The following ZNF804A variants were observed in gnomAD, a reference collection of about 807,000 sequenced individuals.
ZNF804A encodes the protein zinc finger protein 804A.
A neutral mutation model predicts 16.5 loss-of-function variants in ZNF804A; 2 were observed. The observed-to-expected ratio is 0.12, with a 90% confidence interval of 0.05 to 0.38. The LOEUF (loss-of-function observed/expected upper bound fraction) is 0.38. Ranked by LOEUF, ZNF804A falls within the 10% of genes least tolerant of loss-of-function variation. The pLI, the probability that ZNF804A is intolerant of heterozygous loss-of-function variation, is 0.99. For missense variants in ZNF804A, 1,473 were observed against 1,390.7 expected (o/e 1.06, Z -0.94); for synonymous variants, 534 against 489.6 (o/e 1.09, Z -1.20).
At chr2:184,651,426 C>A (rs1691980848) in intron 1 of ZNF804A, among the ~76,000 whole-genome samples, 1 of 151,938 alleles carries the variant, frequency 6.6e-6, no homozygotes, top group African/African-American at 2.4e-5. Flanking sequence ...GCAACAAAAA[C>A]AAAAATTGGC....
chr2:184,887,506 A>C (rs1181964005), intron 2 of ZNF804A, among the ~76,000 whole-genome samples: 1 of 152,098 alleles, frequency 6.6e-6, no homozygotes. Context: ...CCTTTTTCAC[A>C]CTGTTGATAA....
At chr2:184,742,953 G>A (rs1019250881) in intron 1 of ZNF804A, among the ~76,000 whole-genome samples, 2 of 151,758 alleles carry the variant, frequency 1.3e-5, no homozygotes, top group East Asian at 1.9e-4. Flanking sequence ...TCATGGAGTC[G>A]ACTTTACTCT....
chr2:184,832,993 AC>A (rs1166537503), intron 1 of ZNF804A, among the ~76,000 whole-genome samples: 1 of 151,928 alleles, frequency 6.6e-6, no homozygotes, highest in Non-Finnish European at 1.5e-5. Flanking sequence ...GCAAGAATTC[AC>A]CTTAAATATT....
At chr2:184,771,617 G>C (rs983506960) in intron 1 of ZNF804A, among the ~76,000 whole-genome samples, 1 of 151,434 alleles carries the variant, frequency 6.6e-6, no homozygotes, top group Admixed American at 6.6e-5. Context: ...AAAAGAAGAT[G>C]TCTACTGGCC....
intron 1 of ZNF804A, among the ~76,000 whole-genome samples, chr2:184,648,984 T>C (rs1481777145): frequency 2.0e-5 from 3 of 152,052 alleles, no homozygotes; most frequent in African/African-American, 7.2e-5. Context: ...ATATATATTA[T>C]TGTAATCTGC....
chr2:184,935,558 A>C (rs1685770560), intron 3 of ZNF804A, among the ~76,000 whole-genome samples: 1 of 152,166 alleles, frequency 6.6e-6, no homozygotes, highest in Non-Finnish European at 1.5e-5. Flanking sequence ...AACAGCTATA[A>C]AAGCAACTTC....
intron 2 of ZNF804A, among the ~76,000 whole-genome samples, chr2:184,886,796 G>A (rs1472818989): frequency 6.6e-6 from 1 of 152,210 alleles, no homozygotes; most frequent in Non-Finnish European, 1.5e-5. Flanking sequence ...TCCCTAGGCT[G>A]CACACAGCGT....
intron 2 of ZNF804A, among the ~76,000 whole-genome samples, chr2:184,872,889 GTA>G (rs1453058056): frequency 4.6e-5 from 7 of 152,110 alleles, no homozygotes; most frequent in African/African-American, 1.7e-4. Context: ...GTTGATACAG[GTA>G]TAGACAGATT....
chr2:184,703,709 A>AAAAAAG (rs1559130457), intron 1 of ZNF804A, among the ~76,000 whole-genome samples: 12 of 131,464 alleles, frequency 9.1e-5, no homozygotes, highest in African/African-American at 2.3e-4. Context: ...AAAAAAAAAA[A>AAAAAAG]AAAGAAAGAA....
intron 1 of ZNF804A, among the ~76,000 whole-genome samples, chr2:184,834,975 TA>T: frequency 6.6e-6 from 1 of 152,294 alleles, no homozygotes; most frequent in East Asian, 1.9e-4. Flanking sequence ...TGTTGAACTG[TA>T]TAACTCAACT....
At chr2:184,676,549 T>G (rs927546705) in intron 1 of ZNF804A, among the ~76,000 whole-genome samples, 1 of 151,688 alleles carries the variant, frequency 6.6e-6, no homozygotes, top group Admixed American at 6.6e-5. Context: ...ATAAAATAAT[T>G]TTGTATTATA....
intron 2 of ZNF804A, among the ~76,000 whole-genome samples, chr2:184,900,861 A>G (rs529663025): frequency 1.3e-5 from 2 of 152,302 alleles, no homozygotes; most frequent in Admixed American, 1.3e-4. Context: ...GTATCCAAAC[A>G]AAAATGCATG....
At chr2:184,657,260 A>G (rs1692093524) in intron 1 of ZNF804A, among the ~76,000 whole-genome samples, 1 of 151,910 alleles carries the variant, frequency 6.6e-6, no homozygotes, top group Non-Finnish European at 1.5e-5. Flanking sequence ...TAATTTGTGT[A>G]TTTTTGGTAG....
chr2:184,694,384 T>G (rs1692786358), intron 1 of ZNF804A, among the ~76,000 whole-genome samples: 1 of 152,204 alleles, frequency 6.6e-6, no homozygotes. Context: ...ATGATTTATT[T>G]TAGGAGCTTG....
At chr2:184,802,292 A>G (rs578035094) in intron 1 of ZNF804A, among the ~76,000 whole-genome samples, 1 of 152,266 alleles carries the variant, frequency 6.6e-6, no homozygotes, top group Admixed American at 6.5e-5. Context: ...TACCCAAGTA[A>G]AGTTAGGCTC....
intron 1 of ZNF804A, among the ~76,000 whole-genome samples, chr2:184,835,120 G>C (rs1695322640): frequency 6.6e-6 from 1 of 152,146 alleles, no homozygotes; most frequent in Admixed American, 6.6e-5. Context: ...TTATAATGCT[G>C]ATGCTGGACA....
intron 1 of ZNF804A, among the ~76,000 whole-genome samples, chr2:184,648,388 T>C (rs1339761058): frequency 6.6e-6 from 1 of 152,130 alleles, no homozygotes; most frequent in Non-Finnish European, 1.5e-5. Flanking sequence ...AACTTCTTGA[T>C]AGGATAAAAA....
chr2:184,690,578 C>T (rs1283531855), intron 1 of ZNF804A, among the ~76,000 whole-genome samples: 1 of 151,968 alleles, frequency 6.6e-6, no homozygotes. Context: ...GGTAACTTTA[C>T]AAAATATTAC....
chr2:184,810,904 A>G (rs1038893822), intron 1 of ZNF804A, among the ~76,000 whole-genome samples: 18 of 152,234 alleles, frequency 1.2e-4, no homozygotes, highest in African/African-American at 3.9e-4. Flanking sequence ...TATCTCTGAA[A>G]AGGTGTCTTT....
Sources: gnomAD v4.1 joint callset for allele counts (sites outside exome capture counted in the v4.1 genomes callset) on GRCh38, gnomAD v4.1.1 for gene constraint, MANE v1.5 for transcripts, NCBI Gene and HGNC (gene_info 2026-07-23, HGNC 2026-07-21) for gene names.